Variants in PPP1R12C observed in about 807,000 individuals in gnomAD.
The protein encoded by PPP1R12C is leukocyte receptor cluster (LRC) encoded novel gene 3.
PPP1R12C carries 48 observed loss-of-function variants against 95.6 expected under a neutral mutation model. That is an observed-to-expected ratio of 0.50 (90% CI 0.40 to 0.64). The LOEUF (loss-of-function observed/expected upper bound fraction) is 0.64. PPP1R12C is among the 30% of genes least tolerant of loss of function. The pLI, the probability that PPP1R12C is intolerant of heterozygous loss-of-function variation, is 0.00. For synonymous variants in PPP1R12C, 480 were observed against 460.8 expected (o/e 1.04, Z -0.53); for missense variants, 1,057 against 1,083.3 (o/e 0.98, Z 0.34).
At position 55,098,796 on chromosome 19, in the gene PPP1R12C, C is replaced by A; in HGVS notation, c.939G>T (p.Arg313=). The A allele has an allele frequency of 6.2e-7, 1 of 1,613,566 alleles. No homozygotes were observed. Residue 313 remains arginine (R), a synonymous_variant, in exon 6 of 22, where the codon CGG becomes CGT. Coordinates refer to ENST00000263433, the MANE Select transcript of PPP1R12C (RefSeq NM_017607.4). Reference sequence around the variant, plus strand: ...CCCTGACACTCACGTCCTCCTGTTTCCGGGCCAGTTCCTCCAACAGGCTCA... The same window carrying A: ...CCCTGACACTCACGTCCTCCTGTTTACGGGCCAGTTCCTCCAACAGGCTCA... ...EVLSLLEELA[R]KQEDLRNQKE...
chr19:55,116,899 A>G (rs1233103226), intron 1 of PPP1R12C, among the ~76,000 whole-genome samples: 2 of 152,162 alleles, frequency 1.3e-5, no homozygotes, highest in African/African-American at 4.8e-5. Context: ...ATGGGTCAGC[A>G]CAGGCTGCCA....
Position 55,106,911 on chromosome 19 carries a change from G to C in PPP1R12C, c.572-3343C>G, listed in dbSNP as rs117293801. 1.6e-3 allele frequency among the ~76,000 whole-genome samples: 238 copies of C among 152,310 alleles called. 5 individuals are homozygous for C. The East Asian group carries it at 0.042, about 27-fold the overall frequency. On this transcript the variant is annotated intron_variant, in intron 3 of 21. Coordinates refer to ENST00000263433, the MANE Select transcript of PPP1R12C (RefSeq NM_017607.4). ...GTGGCCCAGTGAGCATCACGCACAG[G>C]GCAAGAGGTGCTGTGTTTTGGCTGT...
At position 55,117,310 on chromosome 19, in the gene PPP1R12C, G is replaced by A. The variant is rs1220033257; in HGVS notation, c.234C>T (p.Pro78=). ...GCGCGGCGGGGTCGAGCTCGGCGCC[G>A]GGGCCAGGGTCGGCGGCGCGCAGCA... The part of the protein sequence containing the change: ...RLMLRAADPG[P]GAELDPAAPP... Residue 78 remains proline, a synonymous_variant, in exon 1 of 22, where the codon CCC becomes CCT. Coordinates refer to ENST00000263433, the MANE Select transcript of PPP1R12C (RefSeq NM_017607.4). 3 of 1,197,998 alleles carry A rather than the reference G, an allele frequency of 2.5e-6. No individual in the cohort carries two copies. The highest frequency in any genetic ancestry group is 4.1e-5 in the South Asian group (1 of 24,216). 74.2% of individuals were successfully genotyped at this position (1,197,998 alleles called of 1,614,324 possible). A position where few individuals can be genotyped will look rare whatever the true frequency, so the allele number is the denominator to read the frequency against.
chr19:55,092,994 C>A, intron 15 of PPP1R12C, 22 bp downstream of exon 15: 1 of 1,564,944 alleles, frequency 6.4e-7, no homozygotes, highest in South Asian at 1.2e-5. Flanking sequence ...CTGGGAATGA[C>A]CTCCCCGAGA....
Position 55,103,569 on chromosome 19 carries a change from C to T in PPP1R12C, c.572-1G>A. 6.4e-7 allele frequency: 1 copy of T among 1,569,310 alleles called. No homozygotes were observed. Among genetic ancestry groups the T allele is most frequent in the Middle Eastern group, 1.7e-4 (1 of 5,912 alleles). On this transcript the variant is annotated splice_acceptor_variant, in intron 3 of 21. Transcript: ENST00000263433. LOFTEE classifies it high-confidence loss of function. ...CGCTTGGCTGCTTCCACATCCACAC[C>T]TAGGAGGATAAGAGGCACGAGGTAG... is the stretch of plus-strand genomic sequence containing the variant.
intron 1 of PPP1R12C, among the ~76,000 whole-genome samples, chr19:55,116,776 T>C (rs1456929186): frequency 6.6e-6 from 1 of 151,442 alleles, no homozygotes; most frequent in Non-Finnish European, 1.5e-5. Flanking sequence ...CTATGGGAGC[T>C]GGCTCAGGTT....
intron 1 of PPP1R12C, among the ~76,000 whole-genome samples, chr19:55,115,978 G>A (rs1184202253): frequency 6.6e-6 from 1 of 152,176 alleles, no homozygotes; most frequent in African/African-American, 2.4e-5. Context: ...CAGGGGGCTG[G>A]AAGAGCTAGC....
chr19:55,099,604 T>C (rs2084959873), intron 4 of PPP1R12C, among the ~76,000 whole-genome samples: 1 of 152,128 alleles, frequency 6.6e-6, no homozygotes, highest in African/African-American at 2.4e-5. Context: ...TGTCATAACT[T>C]AGGGCAAGGG....
chr19:55,096,811 C>A, intron 6 of PPP1R12C: 1 of 261,834 alleles, frequency 3.8e-6, no homozygotes, highest in Non-Finnish European at 7.4e-6. Context: ...GTCTTCACCC[C>A]TTCCCCGCGC....
At chr19:55,092,954 A>G in intron 15 of PPP1R12C, 62 bp downstream of exon 15, 1 of 1,574,476 alleles carries the variant, frequency 6.4e-7, no homozygotes, top group South Asian at 1.2e-5. Context: ...CAGGAAAGCA[A>G]GAAGACTATG....
At chr19:55,101,870 C>T (rs577627042) in intron 4 of PPP1R12C, among the ~76,000 whole-genome samples, 4 of 151,438 alleles carry the variant, frequency 2.6e-5, no homozygotes, top group Admixed American at 6.6e-5. Context: ...GGTGCTAGGC[C>T]GAAGGGACAG....
At chr19:55,104,879 C>G (rs931962023) in intron 3 of PPP1R12C, among the ~76,000 whole-genome samples, 2 of 151,650 alleles carry the variant, frequency 1.3e-5, no homozygotes, top group Non-Finnish European at 2.9e-5. Flanking sequence ...TCAAGCGGTT[C>G]TCCTGCCTCA....
chr19:55,100,305 A>G (rs960155865), intron 4 of PPP1R12C, among the ~76,000 whole-genome samples: 14 of 152,220 alleles, frequency 9.2e-5, no homozygotes, highest in African/African-American at 2.9e-4. Context: ...ACATTTGGCC[A>G]CGTCCAGAGA....
Position 55,096,197 on chromosome 19 carries a change from G to A in PPP1R12C, c.1026-19C>T. The A allele has an allele frequency of 1.2e-6, 2 of 1,611,438 alleles. No individual in the cohort carries two copies. The highest frequency in any genetic ancestry group is 1.1e-5 in the South Asian group (1 of 91,026). Reference sequence around the variant, plus strand: ...AGAGCTCCTGTTGGGGAAGGAGAGGGTGCTGGGGTACAAGCCCGGGGCCTC... The same window carrying A: ...AGAGCTCCTGTTGGGGAAGGAGAGGATGCTGGGGTACAAGCCCGGGGCCTC... On this transcript the variant is annotated intron_variant, in intron 7 of 21. Coordinates refer to ENST00000263433, the MANE Select transcript of PPP1R12C (RefSeq NM_017607.4).
chr19:55,092,477 G>A lies in PPP1R12C; in HGVS notation c.2020C>T (p.Pro674Ser), dbSNP rs758896679. 6.2e-7 allele frequency: 1 copy of A among 1,610,136 alleles called. No individual in the cohort carries two copies. The highest frequency in any genetic ancestry group is 1.1e-5 in the South Asian group (1 of 90,606). ...WQRDLNPEPE[P>S]ESEEPDGGFR... Reference sequence around the variant, plus strand: ...CCTCCGTCTGGCTCTTCCGATTCTGGCTCAGGTTCTGGGTTGAGGTCCCGC... The same window carrying A: ...CCTCCGTCTGGCTCTTCCGATTCTGACTCAGGTTCTGGGTTGAGGTCCCGC... The change falls in exon 18 of 22, where the codon CCA becomes TCA. Residue 674 changes from proline (P) to serine (S), a missense_variant. Pro to Ser is a moderately conservative substitution (Grantham distance 74). Transcript: ENST00000263433.
rs556797003 is a variant in PPP1R12C at position 55,091,850 on chromosome 19, C to T, written c.2211+9G>A. 2 of 1,613,448 alleles carry T rather than the reference C, an allele frequency of 1.2e-6. No individual in the cohort carries two copies. The highest frequency in any genetic ancestry group is 1.1e-5 in the South Asian group (1 of 91,082). ...GCCTCTGGCCCCCATCCCCACTGCCCCTACTCACGAATCTCTCCAGTTCCA... is the reference window on the plus strand; with the variant it reads ...GCCTCTGGCCCCCATCCCCACTGCCTCTACTCACGAATCTCTCCAGTTCCA... On this transcript the variant is annotated intron_variant, in intron 20 of 21. Coordinates refer to ENST00000263433, the MANE Select transcript of PPP1R12C (RefSeq NM_017607.4).
intron 6 of PPP1R12C, 62 bp downstream of exon 6, chr19:55,098,722 T>A (rs1012075648): frequency 6.3e-7 from 1 of 1,592,898 alleles, no homozygotes; most frequent in Non-Finnish European, 8.6e-7. Context: ...CTCTGCACCC[T>A]CCTCTGAGGA....
chr19:55,113,623 C>A, intron 1 of PPP1R12C: 1 of 1,276,438 alleles, frequency 7.8e-7, no homozygotes, highest in Non-Finnish European at 9.9e-7. Context: ...AGGAGTGAAG[C>A]TAAACTCCTA....
intron 1 of PPP1R12C, among the ~76,000 whole-genome samples, chr19:55,115,768 C>T (rs1037294362): frequency 6.6e-6 from 1 of 152,208 alleles, no homozygotes; most frequent in Non-Finnish European, 1.5e-5. Flanking sequence ...TCCCTAGTGG[C>T]CCCACTGTGG....
Sources: gnomAD v4.1 joint callset for allele counts (sites outside exome capture counted in the v4.1 genomes callset) on GRCh38, gnomAD v4.1.1 for gene constraint, MANE v1.5 for transcripts, NCBI Gene and HGNC (gene_info 2026-07-23, HGNC 2026-07-21) for gene names.